The following ADARB2 variants were observed in gnomAD, a reference collection of about 807,000 sequenced individuals.
ADARB2 encodes adenosine deaminase RNA specific B2 (inactive), also known as inactive double-stranded RNA-specific editase B2.
Under a neutral mutation model 62.2 loss-of-function variants are expected in ADARB2, and 25 were observed. The observed-to-expected ratio is 0.40, with a 90% CI of 0.29 to 0.56. The LOEUF is 0.56. ADARB2 is among the 20% of genes least tolerant of loss of function. The pLI is 0.43. For missense variants in ADARB2, 1,071 were observed against 1,077.4 expected, an observed-to-expected ratio of 0.99 and a Z score of 0.08; for synonymous variants, 572 against 500.8, an observed-to-expected ratio of 1.14 and a Z score of -1.90.
chr10:1,242,376 A>G, intron 4 of ADARB2, 77 bp from the exon 5 acceptor site: 1 of 1,448,602 alleles, frequency 6.9e-7, no homozygotes, highest in Non-Finnish European at 9.2e-7. Flanking sequence ...TCAGGGTCTC[A>G]CAACAGCGGT....
At chr10:1,354,695 A>G (rs1014314727) in intron 3 of ADARB2, among the ~76,000 whole-genome samples, 1 of 152,190 alleles carries the variant, frequency 6.6e-6, no homozygotes, top group African/African-American at 2.4e-5. Flanking sequence ...GTGCTCTCCC[A>G]CATCCCCTCT....
chr10:1,186,370 A>C (rs906803648), intron 8 of ADARB2: 1 of 433,114 alleles, frequency 2.3e-6, no homozygotes, highest in Non-Finnish European at 4.7e-6. Context: ...TCCACACAAC[A>C]GTGAGTCGGC....
Position 1,398,384 on chromosome 10 carries a change from C to T in ADARB2, c.101-19224G>A, listed in dbSNP as rs532838381. ...GGGGTGAAAGACCATGAGCGCTCCT[C>T]GGGACATCTGGCCTTTCACCTGTGC... On this transcript the variant is annotated intron_variant, in intron 1 of 9. Coordinates refer to ENST00000381312, the MANE Select transcript of ADARB2 (RefSeq NM_018702.4). The surrounding 1 kb of genome is among the most constrained non-coding windows in gnomAD (Gnocchi z 4.1). Among the ~76,000 whole-genome samples, 2 of 152,352 alleles carry T rather than the reference C, an allele frequency of 1.3e-5. No homozygotes were observed. The highest frequency in any genetic ancestry group is 2.1e-4 in the South Asian group (1 of 4,828).
intron 1 of ADARB2, among the ~76,000 whole-genome samples, chr10:1,514,148 G>C (rs1237510725): frequency 9.2e-6 from 1 of 108,192 alleles, no homozygotes; most frequent in Non-Finnish European, 1.9e-5. Context: ...GCACTCCAGA[G>C]TTGGGTGACA....
At chr10:1,407,519 G>A (rs1832717428) in intron 1 of ADARB2, among the ~76,000 whole-genome samples, 1 of 152,194 alleles carries the variant, frequency 6.6e-6, no homozygotes, top group African/African-American at 2.4e-5. Context: ...AGAGGCTTGG[G>A]GAAGTTGACG....
chr10:1,277,402 T>TA (rs1242403668), intron 3 of ADARB2, among the ~76,000 whole-genome samples: 1 of 151,972 alleles, frequency 6.6e-6, no homozygotes, highest in African/African-American at 2.4e-5. Flanking sequence ...ATAGATGCAA[T>TA]AAAAAATGAT....
intron 1 of ADARB2, among the ~76,000 whole-genome samples, chr10:1,557,557 A>G (rs1832723137): frequency 6.6e-6 from 1 of 152,130 alleles, no homozygotes; most frequent in Non-Finnish European, 1.5e-5. Flanking sequence ...AGCCTCCAAC[A>G]GTTCTTCACC....
intron 1 of ADARB2, among the ~76,000 whole-genome samples, chr10:1,506,820 G>A (rs940943141): frequency 6.6e-6 from 1 of 152,252 alleles, no homozygotes; most frequent in East Asian, 1.9e-4. Flanking sequence ...AGGTGATTGG[G>A]TCATGGGGGT....
intron 1 of ADARB2, among the ~76,000 whole-genome samples, chr10:1,553,699 A>G (rs1281028520): frequency 6.6e-6 from 1 of 152,182 alleles, no homozygotes; most frequent in African/African-American, 2.4e-5. Context: ...GCCTAAAAAT[A>G]CATGCTTTTG....
At chr10:1,647,778 GTATA>G (rs766930150) in intron 1 of ADARB2, among the ~76,000 whole-genome samples, 1 of 150,716 alleles carries the variant, frequency 6.6e-6, no homozygotes, top group Non-Finnish European at 1.5e-5. Flanking sequence ...TGTGGTGTGT[GTATA>G]TATGTGTATG....
chr10:1,655,950 G>C (rs1373405935), intron 1 of ADARB2, among the ~76,000 whole-genome samples: 1 of 152,176 alleles, frequency 6.6e-6, no homozygotes, highest in African/African-American at 2.4e-5. Flanking sequence ...AGTAAGCTGT[G>C]GGTTTTGTGT....
intron 1 of ADARB2, among the ~76,000 whole-genome samples, chr10:1,405,011 C>T (rs992407196): frequency 5.3e-5 from 8 of 152,220 alleles, no homozygotes; most frequent in African/African-American, 1.4e-4. Context: ...ATACAATTCC[C>T]GGCGCCTGCG....
At chr10:1,706,731 G>GA (rs578168449) in intron 1 of ADARB2, among the ~76,000 whole-genome samples, 11 of 152,312 alleles carry the variant, frequency 7.2e-5, no homozygotes, top group African/African-American at 2.4e-4. Flanking sequence ...GCCTGTGTGT[G>GA]AAGTCAAAAA....
At position 1,450,183 on chromosome 10, in the gene ADARB2, C is replaced by T. The variant is rs140797554; in HGVS notation, c.101-71023G>A. Among the ~76,000 whole-genome samples, 1,116 of 152,336 alleles carry T rather than the reference C, an allele frequency of 7.3e-3. 6 individuals are homozygous for T. Among genetic ancestry groups the T allele is most frequent in the Non-Finnish European group, 0.011 (732 of 68,022 alleles). On this transcript the variant is annotated intron_variant, in intron 1 of 9. Coordinates refer to ENST00000381312, the MANE Select transcript of ADARB2 (RefSeq NM_018702.4). ...GTCGAGAGGGAGGGAGGAATTCCTC[C>T]TGCATAGCCCTGGTCCTCAGTTACA...
At chr10:1,612,589 C>T (rs967115355) in intron 1 of ADARB2, among the ~76,000 whole-genome samples, 2 of 152,208 alleles carry the variant, frequency 1.3e-5, no homozygotes, top group Non-Finnish European at 2.9e-5. Flanking sequence ...GGTTGAAAGT[C>T]ATTAAATAAC....
chr10:1,262,076 G>A (rs1323522268), intron 4 of ADARB2, among the ~76,000 whole-genome samples: 3 of 142,686 alleles, frequency 2.1e-5, no homozygotes, highest in African/African-American at 8.3e-5. Context: ...CTCACTCATA[G>A]GTGGGAATTG....
chr10:1,606,544 A>G (rs1206778933), intron 1 of ADARB2, among the ~76,000 whole-genome samples: 2 of 152,202 alleles, frequency 1.3e-5, no homozygotes, highest in African/African-American at 4.8e-5. Flanking sequence ...GCCTGTGTCC[A>G]TCCCAAGTCC....
At chr10:1,326,852 C>CCCGACGGCACGGCGCCTCTGGTAGCA (rs1831857344) in intron 3 of ADARB2, among the ~76,000 whole-genome samples, 1 of 59,866 alleles carries the variant, frequency 1.7e-5, no homozygotes, top group African/African-American at 5.9e-5. Flanking sequence ...CCCAGCGCCT[C>CCCGACGGCACGGCGCCTCTGGTAGCA]CCCACTGCCC....
chr10:1,422,977 G>A (rs914318598), intron 1 of ADARB2, among the ~76,000 whole-genome samples: 1 of 152,150 alleles, frequency 6.6e-6, no homozygotes, highest in Non-Finnish European at 1.5e-5. Context: ...TCTTATGGCC[G>A]AGAGCCCTGC....
Sources: gnomAD v4.1 joint callset for allele counts (sites outside exome capture counted in the v4.1 genomes callset) on GRCh38, gnomAD v4.1.1 for gene constraint, Gnocchi (gnomAD v3.1) non-coding constraint, MANE v1.5 for transcripts, NCBI Gene and HGNC (gene_info 2026-07-23, HGNC 2026-07-21) for gene names.